Variants in LIPJ observed in about 807,000 individuals in gnomAD.
LIPJ encodes the protein lipase family member J, also known as lipase member J.
In LIPJ, 33 loss-of-function variants were observed where a neutral mutation model predicts 39.8. The ratio of observed to expected loss-of-function variants is 0.83; its 90% confidence interval spans 0.63 to 1.11. LIPJ has a LOEUF of 1.11. Ranked by LOEUF, LIPJ falls within the 50% of genes least tolerant of loss-of-function variation. The pLI, the probability that LIPJ is intolerant of heterozygous loss-of-function variation, is 0.00. For missense variants in LIPJ, 422 were observed against 427.9 expected (o/e 0.99, Z 0.12); for synonymous variants, 128 against 139.2 (o/e 0.92, Z 0.57).
intron 8 of LIPJ, among the ~76,000 whole-genome samples, chr10:88,599,639 GTGTA>G (rs1351546073): frequency 1.3e-5 from 2 of 151,338 alleles, no homozygotes; most frequent in Non-Finnish European, 3.0e-5. Context: ...ATTCCACAGT[GTGTA>G]TGTATGTATA....
downstream of LIPJ, among the ~76,000 whole-genome samples, chr10:88,607,270 A>T (rs887229530): frequency 2.6e-5 from 4 of 152,214 alleles, no homozygotes; most frequent in Non-Finnish European, 5.9e-5. Flanking sequence ...AATACTTGAT[A>T]TGAAAGTTAA....
At chr10:88,583,132 A>T, upstream of LIPJ, 1 of 1,614,114 alleles carries the variant, frequency 6.2e-7, no homozygotes, top group South Asian at 1.1e-5. Context: ...CTGCCTCCTC[A>T]GCAGCGCAGC....
At chr10:88,586,651 CTTATTTA>C (rs1397083953), upstream of LIPJ, 2 of 152,016 alleles carry the variant, frequency 1.3e-5, no homozygotes, top group Admixed American at 6.6e-5. Flanking sequence ...TACCTGTTTA[CTTATTTA>C]TTATTTATTG....
intron 3 of LIPJ, 48 bp downstream of exon 3, chr10:88,590,744 CT>C: frequency 1.4e-6 from 2 of 1,470,836 alleles, no homozygotes; most frequent in Non-Finnish European, 1.9e-6. Flanking sequence ...ACAGAGAATG[CT>C]ACTTTTCAAA....
At chr10:88,586,090 G>A (rs1047015223), upstream of LIPJ, among the ~76,000 whole-genome samples, 1 of 152,078 alleles carries the variant, frequency 6.6e-6, no homozygotes, top group Non-Finnish European at 1.5e-5. Context: ...TGCATCTCCT[G>A]CAGTTGTGAA....
In LIPJ at chr10:88,586,903, C is replaced by T. The variant is rs775030210; in HGVS notation, c.-231+58C>T. 5.3e-5 allele frequency: 8 copies of T among 151,984 alleles called. No individual in the cohort carries two copies. In the East Asian group the frequency reaches 1.3e-3, roughly 26 times the overall value. 9.4% of individuals were successfully genotyped at this position (151,984 alleles called of 1,614,324 possible). A position where few individuals can be genotyped will look rare whatever the true frequency, so the allele number is the denominator to read the frequency against. Reference sequence around the variant, plus strand: ...AACTTCTTTTCATGTGTTCATTGGCCGTGTAAATGTCTTCTTTTGAGACCT... The same window carrying T: ...AACTTCTTTTCATGTGTTCATTGGCTGTGTAAATGTCTTCTTTTGAGACCT... On this transcript the variant is annotated intron_variant, in intron 1 of 10. Transcript: ENST00000371939.
the LIPJ span, among the ~76,000 whole-genome samples, chr10:88,613,770 GTATATATATA>G: frequency 2.6e-3 from 194 of 75,532 alleles, 2 homozygotes; most frequent in South Asian, 7.0e-3. Flanking sequence ...ATGTGTGTGT[GTATATATATA>G]TATATATATA....
chr10:88,602,449 TTTA>T (rs769384424), intron 8 of LIPJ, 124 bp from the exon 9 acceptor site: 56 of 546,582 alleles, frequency 1.0e-4, no homozygotes, highest in Non-Finnish European at 1.5e-4. Flanking sequence ...TGATGATTTG[TTTA>T]TTAATATGAT....
downstream of LIPJ, among the ~76,000 whole-genome samples, chr10:88,607,715 C>A (rs1355601490): frequency 6.6e-6 from 1 of 152,146 alleles, no homozygotes; most frequent in East Asian, 1.9e-4. Context: ...ATAAATGCAA[C>A]ACATATAATA....
downstream of LIPJ, among the ~76,000 whole-genome samples, chr10:88,611,852 AATC>A (rs1188164956): frequency 6.6e-6 from 1 of 152,262 alleles, no homozygotes; most frequent in Admixed American, 6.5e-5. Flanking sequence ...TTGGGGGAAT[AATC>A]AAGGAAAACT....
At chr10:88,582,967 G>C (rs930713429), upstream of LIPJ, 3 of 1,303,542 alleles carry the variant, frequency 2.3e-6, no homozygotes, top group African/African-American at 4.6e-5. Flanking sequence ...AGGGAGCTGA[G>C]GGTATAGCGT....
upstream of LIPJ, chr10:88,583,214 G>A: frequency 1.2e-6 from 2 of 1,612,622 alleles, no homozygotes; most frequent in South Asian, 1.1e-5. Context: ...AGCGATCCGC[G>A]CTGAGTCTCT....
downstream of LIPJ, among the ~76,000 whole-genome samples, chr10:88,607,992 T>C (rs1851705604): frequency 6.6e-6 from 1 of 152,242 alleles, no homozygotes; most frequent in Non-Finnish European, 1.5e-5. Flanking sequence ...AGAAAAATTC[T>C]CTTGTGCTCT....
chr10:88,606,990 T>G, downstream of LIPJ: 2 of 1,334,760 alleles, frequency 1.5e-6, no homozygotes, highest in Non-Finnish European at 1.9e-6. Context: ...GTGTATGTTC[T>G]TTCATTTTTA....
At chr10:88,583,224 T>A, upstream of LIPJ, 1 of 1,611,354 alleles carries the variant, frequency 6.2e-7, no homozygotes, top group Non-Finnish European at 8.5e-7. Flanking sequence ...GCTGAGTCTC[T>A]GCGGCGGGGC....
chr10:88,589,871 G>A (rs1020579938), intron 2 of LIPJ, among the ~76,000 whole-genome samples: 1 of 151,756 alleles, frequency 6.6e-6, no homozygotes, highest in Non-Finnish European at 1.5e-5. Context: ...GATCACAGAG[G>A]TTAAGTAATC....
chr10:88,584,207 T>C (rs1299375813), upstream of LIPJ: 1 of 151,978 alleles, frequency 6.6e-6, no homozygotes, highest in African/African-American at 2.4e-5. Context: ...ATGTATCAAA[T>C]GGGTGACGAA....
Position 88,596,941 on chromosome 10 carries a change from G to T in LIPJ, c.723+5G>T. The T allele has an allele frequency of 7.1e-7, 1 of 1,408,550 alleles. No homozygotes were observed. Among genetic ancestry groups the T allele is most frequent in the South Asian group, 1.3e-5 (1 of 79,916 alleles). 87.3% of individuals were successfully genotyped at this position (1,408,550 alleles called of 1,614,324 possible). Reference sequence around the variant, plus strand: ...GACCCAAAAAACTTAAATATGGTAAGAACAAGTTGTATTTGAAATATATAT... The same window carrying T: ...GACCCAAAAAACTTAAATATGGTAATAACAAGTTGTATTTGAAATATATAT... On this transcript the variant is annotated splice_donor_5th_base_variant and intron_variant, in intron 8 of 10. Transcript: ENST00000371939.
In LIPJ at chr10:88,593,991, C is replaced by T. The variant is rs552681671; in HGVS notation, c.176C>T (p.Ala59Val). 12 of 1,612,258 alleles carry T rather than the reference C, an allele frequency of 7.4e-6. No homozygotes were observed. The Admixed American group carries it at 1.0e-4, about 13-fold the overall frequency. Reference sequence around the variant, plus strand: ...TTGCAACATGGTTTGCTTACATCTGCCAGCAGCTGGATTTCCAATCTTCCC... The same window carrying T: ...TTGCAACATGGTTTGCTTACATCTGTCAGCAGCTGGATTTCCAATCTTCCC... The change falls in exon 5 of 11, where the codon GCC becomes GTC. Residue 59 changes from alanine (A) to valine (V), a missense_variant. Transcript: ENST00000371939.
Sources: allele counts gnomAD v4.1 joint callset (sites outside exome capture counted in the v4.1 genomes callset), GRCh38; gene constraint gnomAD v4.1.1; transcripts MANE v1.5; gene names NCBI Gene and HGNC (gene_info 2026-07-23, HGNC 2026-07-21).